The following PLCL1 variants were observed in gnomAD, a reference collection of about 807,000 sequenced individuals.
PLCL1 encodes the protein phospholipase C like 1 (inactive).
Under a neutral mutation model 84.4 loss-of-function variants are expected in PLCL1, and 41 were observed. That is an observed-to-expected ratio of 0.49 (90% confidence interval 0.38 to 0.63). The LOEUF (loss-of-function observed/expected upper bound fraction) is 0.63. PLCL1 is among the 30% of genes least tolerant of loss of function. The pLI is 0.00. For synonymous variants in PLCL1, 490 were observed against 488.3 expected, an observed-to-expected ratio of 1.00 and a Z score of -0.05; for missense variants, 1,206 against 1,367.8, an observed-to-expected ratio of 0.88 and a Z score of 1.87.
At chr2:197,898,161 G>A (rs1463247931) in intron 1 of PLCL1, among the ~76,000 whole-genome samples, 1 of 152,142 alleles carries the variant, frequency 6.6e-6, no homozygotes, top group Non-Finnish European at 1.5e-5. Context: ...CTGATTGGCA[G>A]GGCTGGATGT....
At chr2:197,826,103 G>A (rs1690922776) in intron 1 of PLCL1, among the ~76,000 whole-genome samples, 2 of 152,174 alleles carry the variant, frequency 1.3e-5, no homozygotes, top group Admixed American at 1.3e-4. Flanking sequence ...CCTCACAACA[G>A]CAGTGGACTG....
intron 1 of PLCL1, among the ~76,000 whole-genome samples, chr2:198,032,359 T>C (rs1042716539): frequency 1.3e-5 from 2 of 152,192 alleles, no homozygotes; most frequent in Non-Finnish European, 2.9e-5. Flanking sequence ...TTCCAATACC[T>C]AATTGCCATT....
Position 197,808,582 on chromosome 2 carries a change from C to G in PLCL1, c.240+3243C>G, listed in dbSNP as rs76860027. Among the ~76,000 whole-genome samples, 857 of 152,122 alleles carry G rather than the reference C, an allele frequency of 5.6e-3. 13 individuals carry two copies. The highest frequency in any genetic ancestry group is 0.019 in the African/African-American group (802 of 41,472). ...TTATATTGAGAGAAAATGCATTTTT[C>G]ACAGTTTTGCCAAGAGTTTTTTTAA... On this transcript the variant is annotated intron_variant, in intron 1 of 5. Transcript: ENST00000428675.
chr2:198,088,120 A>G (rs191872378), intron 2 of PLCL1, among the ~76,000 whole-genome samples: 2 of 152,264 alleles, frequency 1.3e-5, no homozygotes, highest in African/African-American at 4.8e-5. Context: ...TGTACTTTGC[A>G]TATTTTATAT....
chr2:197,958,858 G>C (rs1039546946), intron 1 of PLCL1, among the ~76,000 whole-genome samples: 8 of 151,964 alleles, frequency 5.3e-5, no homozygotes, highest in South Asian at 2.1e-4. Context: ...AAGTGGTAGA[G>C]TTGAGCTTTA....
chr2:198,048,515 G>A (rs6732890), intron 1 of PLCL1, among the ~76,000 whole-genome samples: 4,281 of 152,302 alleles, frequency 0.028, 189 homozygotes, highest in African/African-American at 0.097. Context: ...ACCAGCATCT[G>A]CTTCTGGTGA....
Position 197,987,782 on chromosome 2 carries a change from A to G in PLCL1, c.241-95976A>G, listed in dbSNP as rs184829521. On this transcript the variant is annotated intron_variant, in intron 1 of 5. Transcript: ENST00000428675. ...TATGGTTTTAGTGAGGGTCTGCTAT[A>G]TATTTTATATTTATGCCATATTAGC... Among the ~76,000 whole-genome samples, 124 of 152,340 alleles carry G rather than the reference A, an allele frequency of 8.1e-4. 1 individual carries two copies. The highest frequency in any genetic ancestry group is 8.8e-5 in the Non-Finnish European group (6 of 68,032).
chr2:198,008,659 G>T (rs1690790993), intron 1 of PLCL1, among the ~76,000 whole-genome samples: 1 of 151,844 alleles, frequency 6.6e-6, no homozygotes. Context: ...AATGCCACAA[G>T]GAATGGGTGT....
intron 1 of PLCL1, among the ~76,000 whole-genome samples, chr2:197,881,580 C>A (rs1288370731): frequency 6.6e-6 from 1 of 151,746 alleles, no homozygotes; most frequent in Non-Finnish European, 1.5e-5. Context: ...CCCATGTGAC[C>A]TTGGCAACTC....
intron 1 of PLCL1, among the ~76,000 whole-genome samples, chr2:198,039,786 G>T (rs1691618334): frequency 6.6e-6 from 1 of 152,196 alleles, no homozygotes; most frequent in South Asian, 2.1e-4. Flanking sequence ...ACATCTATGA[G>T]TCAGGTAGCT....
chr2:198,092,622 A>G (rs1693074821), intron 3 of PLCL1, among the ~76,000 whole-genome samples: 2 of 152,132 alleles, frequency 1.3e-5, no homozygotes, highest in African/African-American at 4.8e-5. Flanking sequence ...ACCATAATTT[A>G]TTCCTCCTTA....
intron 1 of PLCL1, among the ~76,000 whole-genome samples, chr2:198,059,480 T>C (rs1692142698): frequency 6.6e-6 from 1 of 152,228 alleles, no homozygotes; most frequent in African/African-American, 2.4e-5. Flanking sequence ...TAACTATGCC[T>C]GACAGACATC....
intron 1 of PLCL1, among the ~76,000 whole-genome samples, chr2:197,899,876 C>A (rs1227454432): frequency 6.6e-6 from 1 of 152,032 alleles, no homozygotes; most frequent in African/African-American, 2.4e-5. Context: ...ACCTCGTGAT[C>A]CGCCCGCCTC....
intron 1 of PLCL1, among the ~76,000 whole-genome samples, chr2:197,846,380 A>G (rs552306728): frequency 6.6e-6 from 1 of 152,280 alleles, no homozygotes; most frequent in East Asian, 1.9e-4. Flanking sequence ...ATAGAGAACA[A>G]CTAGCCAAAC....
At chr2:197,923,537 C>T (rs1484560076) in intron 1 of PLCL1, among the ~76,000 whole-genome samples, 25 of 134,998 alleles carry the variant, frequency 1.9e-4, no homozygotes, top group African/African-American at 6.5e-4. Context: ...GGGGCAGAGT[C>T]GCTCCCCACA....
intron 5 of PLCL1, among the ~76,000 whole-genome samples, chr2:198,124,796 C>T (rs1205355739): frequency 1.3e-5 from 2 of 152,154 alleles, no homozygotes; most frequent in Non-Finnish European, 2.9e-5. Context: ...GTTATTTTGG[C>T]TTGTACTTTG....
At chr2:197,914,437 C>G (rs1290134428) in intron 1 of PLCL1, among the ~76,000 whole-genome samples, 1 of 151,398 alleles carries the variant, frequency 6.6e-6, no homozygotes, top group African/African-American at 2.4e-5. Context: ...TCAAGTGATT[C>G]TCCTGCCTCA....
intron 5 of PLCL1, among the ~76,000 whole-genome samples, chr2:198,105,639 T>TGTGTGTGTGTGTG (rs1553518571): frequency 6.7e-6 from 1 of 150,024 alleles, no homozygotes; most frequent in Non-Finnish European, 1.5e-5. Context: ...TGTGTGTGTG[T>TGTGTGTGTGTGTG]TTACTCACAT....
chr2:198,081,136 T>C (rs562191036), intron 1 of PLCL1, among the ~76,000 whole-genome samples: 2 of 152,314 alleles, frequency 1.3e-5, no homozygotes, highest in African/African-American at 4.8e-5. Flanking sequence ...AGGAACCATA[T>C]ACATTCATTT....
Sources: gnomAD v4.1 joint callset for allele counts (sites outside exome capture counted in the v4.1 genomes callset) on GRCh38, gnomAD v4.1.1 for gene constraint, MANE v1.5 for transcripts, NCBI Gene and HGNC (gene_info 2026-07-23, HGNC 2026-07-21) for gene names.